CCSER1: variants seen among roughly 807,000 people sequenced by gnomAD.
The protein encoded by CCSER1 is coiled-coil serine rich protein 1.
Under a neutral mutation model 82.0 loss-of-function variants are expected in CCSER1, and 41 were observed. The observed-to-expected ratio is 0.50, with a 90% confidence interval of 0.39 to 0.65. CCSER1 has a LOEUF of 0.65. Ranked by LOEUF, CCSER1 falls within the 30% of genes least tolerant of loss-of-function variation. The pLI is 0.00. For synonymous variants in CCSER1, 414 were observed against 383.9 expected (o/e 1.08, Z -0.92); for missense variants, 1,119 against 1,064.2 (o/e 1.05, Z -0.72).
At chr4:90,716,776 CA>C (rs79563114) in intron 6 of CCSER1, among the ~76,000 whole-genome samples, 29,418 of 152,002 alleles carry the variant, frequency 0.19, 3,342 homozygotes, top group South Asian at 0.27. Context: ...GTAATGTTTG[CA>C]CAGTGACAAA....
At position 91,429,072 on chromosome 4, in the gene CCSER1, A is replaced by G. The variant is rs538486780; in HGVS notation, c.2218-169500A>G. The stretch of plus-strand genomic sequence containing the variant: ...TACAGCATTGATTTATCTTGTATCA[A>G]ATTAAAGAGTTTTTGATAATATTAG... On this transcript the variant is annotated intron_variant, in intron 10 of 10. Coordinates refer to ENST00000509176, the MANE Select transcript of CCSER1 (RefSeq NM_001145065.2). Among the ~76,000 whole-genome samples, 3 of 152,138 alleles carry G rather than the reference A, an allele frequency of 2.0e-5. No individual in the cohort carries two copies. In the East Asian group the frequency reaches 5.8e-4, roughly 29 times the overall value.
At chr4:90,216,631 A>C (rs1453607381) in intron 1 of CCSER1, among the ~76,000 whole-genome samples, 1 of 152,092 alleles carries the variant, frequency 6.6e-6, no homozygotes, top group Non-Finnish European at 1.5e-5. Context: ...TGATCTATGC[A>C]TCTTTTTTTG....
chr4:91,474,337 G>A (rs1757442560), intron 10 of CCSER1, among the ~76,000 whole-genome samples: 1 of 151,338 alleles, frequency 6.6e-6, no homozygotes, highest in African/African-American at 2.4e-5. Flanking sequence ...AATTAATAAT[G>A]GATAATAAAT....
At chr4:91,187,799 C>T (rs577948166) in intron 10 of CCSER1, among the ~76,000 whole-genome samples, 22 of 152,294 alleles carry the variant, frequency 1.4e-4, no homozygotes, top group Admixed American at 7.2e-4. Flanking sequence ...GTGATGCACC[C>T]GCCTTGGCCT....
intron 6 of CCSER1, among the ~76,000 whole-genome samples, chr4:90,654,553 A>G (rs1165998762): frequency 2.0e-5 from 3 of 152,094 alleles, no homozygotes; most frequent in Non-Finnish European, 4.4e-5. Context: ...CTTCTGTTAC[A>G]TAGCATTGCG....
At chr4:91,065,594 G>A (rs1463038216) in intron 9 of CCSER1, among the ~76,000 whole-genome samples, 1 of 151,844 alleles carries the variant, frequency 6.6e-6, no homozygotes, top group Non-Finnish European at 1.5e-5. Context: ...ACTTTTTAAT[G>A]TTCCATATGG....
intron 8 of CCSER1, among the ~76,000 whole-genome samples, chr4:90,867,115 T>TAGTGTA (rs1765837432): frequency 6.6e-6 from 1 of 152,012 alleles, no homozygotes; most frequent in Non-Finnish European, 1.5e-5. Context: ...TCTCCCCTCC[T>TAGTGTA]TTGTAGAATA....
intron 5 of CCSER1, among the ~76,000 whole-genome samples, chr4:90,528,721 T>A (rs530526359): frequency 6.6e-6 from 1 of 152,344 alleles, no homozygotes; most frequent in South Asian, 2.1e-4. Context: ...GAAAGTAAAT[T>A]TGATTAAAAT....
At chr4:90,875,204 A>G (rs548440712) in intron 8 of CCSER1, among the ~76,000 whole-genome samples, 2 of 152,294 alleles carry the variant, frequency 1.3e-5, no homozygotes, top group Admixed American at 1.3e-4. Context: ...CCACTTGAAC[A>G]ATTACGTGTT....
chr4:90,525,154 A>T (rs1773598759), intron 5 of CCSER1, among the ~76,000 whole-genome samples: 2 of 152,146 alleles, frequency 1.3e-5, no homozygotes, highest in Admixed American at 1.3e-4. Context: ...GGCAAAAATC[A>T]ATAGTTTCAT....
At chr4:90,355,869 T>C (rs1013535858) in intron 3 of CCSER1, among the ~76,000 whole-genome samples, 4 of 151,916 alleles carry the variant, frequency 2.6e-5, no homozygotes, top group African/African-American at 4.8e-5. Context: ...CAAAGGGATA[T>C]TGTAAATTAT....
intron 10 of CCSER1, among the ~76,000 whole-genome samples, chr4:91,412,072 T>C (rs1753085611): frequency 6.6e-6 from 1 of 152,158 alleles, no homozygotes; most frequent in Admixed American, 6.6e-5. Flanking sequence ...AGTGACTTTG[T>C]AGGGGTATTG....
intron 10 of CCSER1, among the ~76,000 whole-genome samples, chr4:91,239,100 C>T (rs1231862139): frequency 6.6e-6 from 1 of 151,304 alleles, no homozygotes; most frequent in East Asian, 2.0e-4. Flanking sequence ...GCTGGTATTA[C>T]AAGCGTGAGC....
At chr4:90,835,865 G>A (rs1285802372) in intron 8 of CCSER1, among the ~76,000 whole-genome samples, 4 of 152,284 alleles carry the variant, frequency 2.6e-5, no homozygotes, top group Middle Eastern at 3.4e-3. Context: ...TGAAATGTTT[G>A]CCTTATGGAC....
intron 10 of CCSER1, among the ~76,000 whole-genome samples, chr4:91,254,569 A>G (rs773543612): frequency 1.3e-5 from 2 of 152,044 alleles, no homozygotes; most frequent in African/African-American, 2.4e-5. Flanking sequence ...GTTGTTCTTC[A>G]ATGGCTACAA....
At chr4:90,344,112 A>G (rs1298209667) in intron 3 of CCSER1, among the ~76,000 whole-genome samples, 1 of 152,132 alleles carries the variant, frequency 6.6e-6, no homozygotes, top group Admixed American at 6.5e-5. Context: ...CAACTTTTAG[A>G]TCCCATAAAT....
chr4:90,275,109 T>A (rs184535075), intron 1 of CCSER1, among the ~76,000 whole-genome samples: 1 of 152,172 alleles, frequency 6.6e-6, no homozygotes, highest in Non-Finnish European at 1.5e-5. Flanking sequence ...AAGAAGTTTT[T>A]ATTTTCCCTG....
chr4:90,915,705 G>A (rs1727265121), intron 8 of CCSER1, among the ~76,000 whole-genome samples: 2 of 120,698 alleles, frequency 1.7e-5, no homozygotes, highest in African/African-American at 8.1e-5. Context: ...TATTCAATTA[G>A]GAAAGGAGGA....
chr4:91,106,111 C>G (rs1201742351), intron 10 of CCSER1, among the ~76,000 whole-genome samples: 1 of 152,122 alleles, frequency 6.6e-6, no homozygotes, highest in African/African-American at 2.4e-5. Context: ...ACTCTGAACA[C>G]TAGAAAAACA....
Sources: gnomAD v4.1 joint callset for allele counts (sites outside exome capture counted in the v4.1 genomes callset) on GRCh38, gnomAD v4.1.1 for gene constraint, MANE v1.5 for transcripts, NCBI Gene and HGNC (gene_info 2026-07-23, HGNC 2026-07-21) for gene names.